FRS2: variants seen among roughly 807,000 people sequenced by gnomAD.
FRS2 encodes the protein fibroblast growth factor receptor substrate 2.
FRS2 carries 8 observed loss-of-function variants against 43.9 expected under a neutral mutation model. The ratio of observed to expected loss-of-function variants is 0.18; its 90% CI spans 0.11 to 0.33. FRS2 has a LOEUF of 0.33. Among genes scored for constraint, FRS2 ranks in the 10% least tolerant of loss-of-function variants. The probability of loss-of-function intolerance (pLI) is 1.00; values close to 1 mark genes in which losing one functional copy is unlikely to be tolerated. For missense variants in FRS2, 534 were observed against 627.6 expected, an observed-to-expected ratio of 0.85 and a Z score of 1.59; for synonymous variants, 219 against 220.3, an observed-to-expected ratio of 0.99 and a Z score of 0.05.
chr12:69,512,586 T>C (rs1437468719), intron 1 of FRS2, among the ~76,000 whole-genome samples: 1 of 152,318 alleles, frequency 6.6e-6, no homozygotes, highest in African/African-American at 2.4e-5. Context: ...TTGAGTTGCA[T>C]ACACTTAAAT....
At chr12:69,554,032 GTT>G (rs1565770098) in intron 3 of FRS2, among the ~76,000 whole-genome samples, 1 of 152,120 alleles carries the variant, frequency 6.6e-6, no homozygotes, top group Admixed American at 6.5e-5. Flanking sequence ...TTGTTGGCAG[GTT>G]TCCAGCATTT....
intron 1 of FRS2, among the ~76,000 whole-genome samples, chr12:69,490,591 C>G (rs1872393887): frequency 6.6e-6 from 1 of 152,062 alleles, no homozygotes; most frequent in Non-Finnish European, 1.5e-5. Flanking sequence ...TAGACCATAA[C>G]CAGAAATTTC....
At chr12:69,516,673 A>G (rs372157905) in intron 1 of FRS2, among the ~76,000 whole-genome samples, 4 of 152,332 alleles carry the variant, frequency 2.6e-5, no homozygotes, top group African/African-American at 9.6e-5. Flanking sequence ...AACATTGAGT[A>G]TACTATACCT....
chr12:69,536,101 CTTTTTTTTTTTTTTTTTTTT>C (rs71094720), intron 3 of FRS2, among the ~76,000 whole-genome samples: 25 of 37,212 alleles, frequency 6.7e-4, no homozygotes, highest in Admixed American at 7.9e-4. Flanking sequence ...TATTTTCATT[CTTTTTTTTTTTTTTTTTTTT>C]TTTTTTTTTT....
rs1299831441 is a variant in FRS2 at position 69,578,254 on chromosome 12, C to T, written c.*3299C>T. On this transcript the variant is annotated 3_prime_UTR_variant, in exon 9 of 9. Coordinates refer to ENST00000549921, the MANE Select transcript of FRS2 (RefSeq NM_001278356.2). Reference sequence around the variant, plus strand: ...GAAATAGACATACCATCAGAGACATCATTCACAAGTAACTGATGTATTGGC... The same window carrying T: ...GAAATAGACATACCATCAGAGACATTATTCACAAGTAACTGATGTATTGGC... 1.3e-5 allele frequency: 2 copies of T among 152,572 alleles called. No homozygotes were observed. The highest frequency in any genetic ancestry group is 2.4e-5 in the African/African-American group (1 of 41,428). The allele number at this position is 152,572 out of a possible 1,614,324, so 9.5% of individuals were successfully genotyped here.
At chr12:69,560,019 G>C (rs563156367) in intron 3 of FRS2, among the ~76,000 whole-genome samples, 1 of 152,046 alleles carries the variant, frequency 6.6e-6, no homozygotes, top group Non-Finnish European at 1.5e-5. Context: ...ACCTTCCTAA[G>C]CACCAAATTT....
intron 3 of FRS2, 25 bp from the exon 4 acceptor site, chr12:69,562,155 C>G: frequency 2.5e-6 from 1 of 397,626 alleles, no homozygotes; most frequent in Non-Finnish European, 4.4e-6. Flanking sequence ...ATGAGAAATT[C>G]TCAATGTTTT....
chr12:69,501,991 A>C (rs1411958251), intron 1 of FRS2, among the ~76,000 whole-genome samples: 1 of 151,348 alleles, frequency 6.6e-6, no homozygotes, highest in Admixed American at 6.6e-5. Flanking sequence ...TGTGAGATGG[A>C]GCCTCCCTCT....
At chr12:69,548,051 C>T (rs145002405) in intron 3 of FRS2, among the ~76,000 whole-genome samples, 20 of 151,986 alleles carry the variant, frequency 1.3e-4, no homozygotes, top group Non-Finnish European at 2.1e-4. Flanking sequence ...TGGGTTCTTG[C>T]GATGTTGCCC....
chr12:69,470,389 A>G lies in FRS2; in HGVS notation c.-402A>G. 1 of 398,552 alleles carries G rather than the reference A, an allele frequency of 2.5e-6. No homozygotes were observed. The highest frequency in any genetic ancestry group is 4.4e-6 in the Non-Finnish European group (1 of 226,202). 24.7% of individuals were successfully genotyped at this position (398,552 alleles called of 1,614,324 possible). A position where few individuals can be genotyped will look rare whatever the true frequency, so the allele number is the denominator to read the frequency against. On this transcript the variant is annotated 5_prime_UTR_variant, in exon 1 of 9. Transcript: ENST00000549921. ...CCCGCTCCCCCGGAAGTGCTTTTCC[A>G]AGATTCGGGCCGGAGAGAGGCCTTG... is the stretch of plus-strand genomic sequence containing the variant.
At chr12:69,559,730 C>T (rs558523317) in intron 3 of FRS2, among the ~76,000 whole-genome samples, 4 of 150,514 alleles carry the variant, frequency 2.7e-5, no homozygotes, top group Middle Eastern at 3.4e-3. Context: ...AAATCTTTGT[C>T]AGTGTTAAGA....
intron 1 of FRS2, among the ~76,000 whole-genome samples, chr12:69,482,790 G>A (rs1795851064): frequency 6.6e-6 from 1 of 152,174 alleles, no homozygotes; most frequent in Non-Finnish European, 1.5e-5. Context: ...AAACTATTCA[G>A]TTAAGCATGT....
chr12:69,502,388 T>A (rs1838449820), intron 1 of FRS2, among the ~76,000 whole-genome samples: 1 of 152,168 alleles, frequency 6.6e-6, no homozygotes, highest in African/African-American at 2.4e-5. Flanking sequence ...TTACTGTGAT[T>A]TTTTTAATTT....
intron 1 of FRS2, among the ~76,000 whole-genome samples, chr12:69,530,394 C>T (rs1408434953): frequency 6.6e-6 from 1 of 151,962 alleles, no homozygotes; most frequent in African/African-American, 2.4e-5. Context: ...CTATCTCTCC[C>T]ACCTCAGTCT....
intron 1 of FRS2, among the ~76,000 whole-genome samples, chr12:69,497,244 G>A (rs1454034318): frequency 6.6e-6 from 1 of 152,226 alleles, no homozygotes; most frequent in Non-Finnish European, 1.5e-5. Flanking sequence ...AAGAGTTGGT[G>A]AAAGGGTTGG....
intron 1 of FRS2, among the ~76,000 whole-genome samples, chr12:69,474,575 C>A (rs1870595530): frequency 6.6e-6 from 1 of 152,208 alleles, no homozygotes; most frequent in Admixed American, 6.5e-5. Context: ...AGAATCTGAT[C>A]ATTAAAAATC....
At chr12:69,481,607 C>T (rs1179420983) in intron 1 of FRS2, among the ~76,000 whole-genome samples, 1 of 152,116 alleles carries the variant, frequency 6.6e-6, no homozygotes, top group Non-Finnish European at 1.5e-5. Context: ...AACGTTGATA[C>T]GGTACTTTAC....
intron 1 of FRS2, among the ~76,000 whole-genome samples, chr12:69,513,984 C>T (rs1005935470): frequency 3.3e-5 from 5 of 152,070 alleles, no homozygotes; most frequent in African/African-American, 1.2e-4. Flanking sequence ...TCGAAGTCTT[C>T]CCAGGATAAA....
intron 4 of FRS2, among the ~76,000 whole-genome samples, chr12:69,564,992 T>C (rs1880168075): frequency 6.6e-6 from 1 of 152,236 alleles, no homozygotes; most frequent in Non-Finnish European, 1.5e-5. Flanking sequence ...CACTTAATGG[T>C]GGAGATTCCT....
Sources: allele counts gnomAD v4.1 joint callset (sites outside exome capture counted in the v4.1 genomes callset), GRCh38; gene constraint gnomAD v4.1.1; transcripts MANE v1.5; gene names NCBI Gene and HGNC (gene_info 2026-07-23, HGNC 2026-07-21).